PARD3B: variants seen among roughly 807,000 people sequenced by gnomAD.
PARD3B encodes the protein par-3 family cell polarity regulator beta.
A neutral mutation model predicts 130.2 loss-of-function variants in PARD3B; 103 were observed. The ratio of observed to expected loss-of-function variants is 0.79; its 90% CI spans 0.67 to 0.93. PARD3B has a LOEUF of 0.93. PARD3B is among the 40% of genes least tolerant of loss of function. The pLI, the probability that PARD3B is intolerant of heterozygous loss-of-function variation, is 0.00. For synonymous variants in PARD3B, 583 were observed against 553.2 expected (o/e 1.05, Z -0.76); for missense variants, 1,609 against 1,499.2 (o/e 1.07, Z -1.21).
chr2:204,902,659 ACT>A (rs1559243166), intron 2 of PARD3B, among the ~76,000 whole-genome samples: 1 of 121,392 alleles, frequency 8.2e-6, no homozygotes. Flanking sequence ...ACAGAGCAAG[ACT>A]CTGTCTCAAA....
rs1262649212 is a variant in PARD3B at position 205,300,134 on chromosome 2, C to G, written c.2186-396C>G. Among the ~76,000 whole-genome samples, 1 of 152,082 alleles carries G rather than the reference C, an allele frequency of 6.6e-6. No homozygotes were observed. The highest frequency in any genetic ancestry group is 1.5e-5 in the Non-Finnish European group (1 of 68,008). On this transcript the variant is annotated intron_variant, in intron 16 of 22. Coordinates refer to ENST00000406610, the MANE Select transcript of PARD3B (RefSeq NM_001302769.2). This position sits in a 1 kb window ranked among gnomAD's most constrained non-coding sequence, Gnocchi z 4.1. ...GTGCTTGGTATGTTTGTGTGTGTGT[C>G]TGTGAGTATGCATGTGTGTATGTGG...
chr2:204,548,223 T>C (rs529047349), intron 1 of PARD3B, among the ~76,000 whole-genome samples: 2 of 152,150 alleles, frequency 1.3e-5, no homozygotes, highest in African/African-American at 4.8e-5. Flanking sequence ...TTTTTTTAAA[T>C]GAGAAAAGGC....
chr2:205,259,815 G>A (rs1477320519), intron 16 of PARD3B, among the ~76,000 whole-genome samples: 1 of 152,116 alleles, frequency 6.6e-6, no homozygotes, highest in African/African-American at 2.4e-5. Context: ...CTGGAGACCA[G>A]AAATGCTTCG....
At position 205,381,740 on chromosome 2, in the gene PARD3B, T is replaced by A. The variant is rs148120101; in HGVS notation, c.2631-19273T>A. 3.7e-3 allele frequency among the ~76,000 whole-genome samples: 559 copies of A among 152,080 alleles called. 2 individuals carry two copies. The highest frequency in any genetic ancestry group is 0.013 in the African/African-American group (525 of 41,500). On this transcript the variant is annotated intron_variant, in intron 18 of 22. Transcript: ENST00000406610. ...AGACAATTAAATTAATAAACCTATA[T>A]CTGAAAAGCTCAGAAACATGTAGAC...
chr2:205,252,853 C>CCCCAA (rs2039916027), intron 16 of PARD3B, among the ~76,000 whole-genome samples: 3 of 80,454 alleles, frequency 3.7e-5, no homozygotes, highest in East Asian at 4.3e-4. Flanking sequence ...CCCCCCCCAC[C>CCCCAA]AAAAAAAAAA....
chr2:204,745,123 G>A (rs2040161265), intron 2 of PARD3B, among the ~76,000 whole-genome samples: 1 of 152,130 alleles, frequency 6.6e-6, no homozygotes, highest in Non-Finnish European at 1.5e-5. Flanking sequence ...GTGATAGAAA[G>A]ATGGAGGATA....
At chr2:205,297,822 C>T (rs1314153159) in intron 16 of PARD3B, among the ~76,000 whole-genome samples, 1 of 152,204 alleles carries the variant, frequency 6.6e-6, no homozygotes, top group African/African-American at 2.4e-5. Context: ...CCATGTATTA[C>T]ATCCAATAGA....
intron 2 of PARD3B, among the ~76,000 whole-genome samples, chr2:204,779,064 T>G (rs1290342541): frequency 2.6e-5 from 4 of 152,102 alleles, no homozygotes; most frequent in Admixed American, 2.6e-4. Context: ...CTTTTCAGAC[T>G]TGCAACATCT....
intron 18 of PARD3B, among the ~76,000 whole-genome samples, chr2:205,361,886 TCTC>T (rs1230910643): frequency 6.6e-6 from 1 of 152,112 alleles, no homozygotes; most frequent in Non-Finnish European, 1.5e-5. Flanking sequence ...CCACTCATCT[TCTC>T]CACCCCCAGG....
chr2:205,422,524 G>C (rs1302970504), intron 19 of PARD3B, among the ~76,000 whole-genome samples: 4 of 152,132 alleles, frequency 2.6e-5, no homozygotes, highest in Non-Finnish European at 5.9e-5. Context: ...TGGTTACATA[G>C]AGCCTGAATA....
chr2:205,072,120 G>T lies in PARD3B; in HGVS notation c.504+24430G>T, dbSNP rs192491741. 3.1e-4 allele frequency among the ~76,000 whole-genome samples: 47 copies of T among 152,004 alleles called. 1 individual carries two copies. In the East Asian group the frequency reaches 7.0e-3, roughly 23 times the overall value. ...AGAAATAAGATATAGTTTGACGATG[G>T]TATTCCTGTCATTAATAAATCATAG... On this transcript the variant is annotated intron_variant, in intron 4 of 22. Transcript: ENST00000406610.
chr2:205,012,025 AC>A (rs1245715546), intron 3 of PARD3B, among the ~76,000 whole-genome samples: 20 of 152,110 alleles, frequency 1.3e-4, no homozygotes, highest in Admixed American at 1.2e-3. Context: ...CCCCACCCTG[AC>A]CTTTTAAAGC....
intron 1 of PARD3B, among the ~76,000 whole-genome samples, chr2:204,600,735 A>G (rs1488774722): frequency 6.6e-6 from 1 of 151,890 alleles, no homozygotes; most frequent in Non-Finnish European, 1.5e-5. Context: ...TAAAAGTAAC[A>G]TCTCATTCAC....
intron 22 of PARD3B, among the ~76,000 whole-genome samples, chr2:205,586,635 CA>C (rs914777698): frequency 1.6e-4 from 24 of 151,560 alleles, no homozygotes; most frequent in African/African-American, 5.6e-4. Context: ...TTTTTATATA[CA>C]TATATATAAT....
At chr2:205,438,489 ACC>A (rs997085377) in intron 19 of PARD3B, among the ~76,000 whole-genome samples, 1 of 152,088 alleles carries the variant, frequency 6.6e-6, no homozygotes, top group African/African-American at 2.4e-5. Context: ...ACAGAATCCT[ACC>A]CCCTAACTTT....
At chr2:205,499,687 A>G (rs2050084861) in intron 20 of PARD3B, among the ~76,000 whole-genome samples, 1 of 152,188 alleles carries the variant, frequency 6.6e-6, no homozygotes, top group Admixed American at 6.5e-5. Context: ...ATCCCAAGTC[A>G]GACATTTGAC....
At chr2:204,747,257 T>G (rs1349182293) in intron 2 of PARD3B, among the ~76,000 whole-genome samples, 1 of 152,170 alleles carries the variant, frequency 6.6e-6, no homozygotes, top group Non-Finnish European at 1.5e-5. Context: ...TTTCTTGTTT[T>G]TGTCAGGTTT....
At chr2:205,364,253 T>A (rs1442571297) in intron 18 of PARD3B, among the ~76,000 whole-genome samples, 1 of 152,212 alleles carries the variant, frequency 6.6e-6, no homozygotes, top group Non-Finnish European at 1.5e-5. Flanking sequence ...TGAAGTCCCA[T>A]AGCTTAGTGA....
At chr2:205,314,985 C>T (rs62171482) in intron 18 of PARD3B, among the ~76,000 whole-genome samples, 4,912 of 152,218 alleles carry the variant, frequency 0.032, 92 homozygotes, top group Middle Eastern at 0.058. Context: ...CCCTTCTTTT[C>T]CACTTCCACT....
Sources: gnomAD v4.1 joint callset for allele counts (sites outside exome capture counted in the v4.1 genomes callset) on GRCh38, gnomAD v4.1.1 for gene constraint, Gnocchi (gnomAD v3.1) non-coding constraint, MANE v1.5 for transcripts, NCBI Gene and HGNC (gene_info 2026-07-23, HGNC 2026-07-21) for gene names.